KCTD1: variants seen among roughly 807,000 people sequenced by gnomAD.
The protein encoded by KCTD1 is BTB/POZ domain-containing protein KCTD1.
In KCTD1, 24 loss-of-function variants were observed where a neutral mutation model predicts 66.0. That is an observed-to-expected ratio of 0.36 (90% CI 0.26 to 0.51). The LOEUF (loss-of-function observed/expected upper bound fraction) is 0.51. KCTD1 is among the 20% of genes least tolerant of loss of function. The pLI, the probability that KCTD1 is intolerant of heterozygous loss-of-function variation, is 0.95. For synonymous variants in KCTD1, 511 were observed against 517.2 expected (o/e 0.99, Z 0.16); for missense variants, 943 against 1,205.2 (o/e 0.78, Z 3.22).
At chr18:26,654,877 C>T (rs1988100588) in intron 1 of KCTD1, among the ~76,000 whole-genome samples, 1 of 152,202 alleles carries the variant, frequency 6.6e-6, no homozygotes. Context: ...GCAGGACTCC[C>T]GAGTCAAACT....
At chr18:26,570,191 A>AAAAAAT (rs776923644) in intron 1 of KCTD1, among the ~76,000 whole-genome samples, 300 of 132,520 alleles carry the variant, frequency 2.3e-3, no homozygotes, top group Middle Eastern at 0.013. Flanking sequence ...ATCTAAAAAA[A>AAAAAAT]ATATATATAT....
intron 1 of KCTD1, among the ~76,000 whole-genome samples, chr18:26,656,057 G>A (rs1223457517): frequency 6.6e-6 from 1 of 151,936 alleles, no homozygotes; most frequent in Non-Finnish European, 1.5e-5. Context: ...GGCGGCAGTT[G>A]GGGGGGCGGA....
chr18:26,529,393 C>G (rs1234966146), intron 1 of KCTD1, among the ~76,000 whole-genome samples: 1 of 152,240 alleles, frequency 6.6e-6, no homozygotes, highest in East Asian at 1.9e-4. Context: ...CCTATCCTCT[C>G]TAGGCTACAA....
chr18:26,506,349 T>C (rs2144699058), intron 1 of KCTD1, among the ~76,000 whole-genome samples: 1 of 152,244 alleles, frequency 6.6e-6, no homozygotes, highest in East Asian at 1.9e-4. Flanking sequence ...CGGGCTACTA[T>C]GGCAGCTGAT....
Position 26,547,051 on chromosome 18 carries a change from G to T in KCTD1, c.1486C>A (p.Pro496Thr), listed in dbSNP as rs1397346434. Reference protein sequence around the residue: ...GAARHHSHHPPTHPSHHHRPQ... With the variant: ...GAARHHSHHPTTHPSHHHRPQ... ...CGGTGGTGGTGGGAGGGATGGGTGG[G>T]GGGGTGGTGGGAGTGGTGCCGTGCC... Residue 496 changes from proline (P) to threonine (T), a missense_variant, in exon 1 of 5, where the codon CCC becomes ACC. Coordinates refer to ENST00000580059, the MANE Select transcript of KCTD1 (RefSeq NM_001142730.3). The T allele has an allele frequency of 1.3e-6, 2 of 1,494,574 alleles. No homozygotes were observed. The highest frequency in any genetic ancestry group is 2.6e-5 in the South Asian group (2 of 77,266). The allele number at this position is 1,494,574 out of a possible 1,614,324, so 92.6% of individuals were successfully genotyped here.
intron 1 of KCTD1, among the ~76,000 whole-genome samples, chr18:26,657,190 C>T (rs1458986318): frequency 6.6e-6 from 1 of 151,478 alleles, no homozygotes; most frequent in African/African-American, 2.4e-5. Context: ...GCCCCTGCCC[C>T]GCCGCGGGTC....
At chr18:26,522,557 T>G (rs534079341) in intron 1 of KCTD1, among the ~76,000 whole-genome samples, 65 of 152,302 alleles carry the variant, frequency 4.3e-4, no homozygotes, top group Middle Eastern at 3.4e-3. Context: ...GAAAATAATA[T>G]AATCTGGTAC....
At chr18:26,589,290 G>A (rs537134115) in intron 1 of KCTD1, among the ~76,000 whole-genome samples, 1 of 152,314 alleles carries the variant, frequency 6.6e-6, no homozygotes, top group East Asian at 1.9e-4. Context: ...TTTAGAAAGA[G>A]TGAAGAATGA....
chr18:26,601,989 C>T (rs1598961733), intron 1 of KCTD1, among the ~76,000 whole-genome samples: 1 of 151,896 alleles, frequency 6.6e-6, no homozygotes, highest in South Asian at 2.1e-4. Flanking sequence ...AATTTCTTGC[C>T]TAATTGCCCT....
At chr18:26,630,447 C>T (rs932246942), upstream of KCTD1, among the ~76,000 whole-genome samples, 1 of 152,112 alleles carries the variant, frequency 6.6e-6, no homozygotes, top group Non-Finnish European at 1.5e-5. Flanking sequence ...TTCTGAGTAG[C>T]TAGGACTATA....
At chr18:26,599,998 A>G in intron 1 of KCTD1, 3 of 1,610,938 alleles carry the variant, frequency 1.9e-6, no homozygotes, top group Admixed American at 1.7e-5. Flanking sequence ...CAAGCTGTGG[A>G]CCCTCTCAGC....
intron 2 of KCTD1, among the ~76,000 whole-genome samples, chr18:26,491,643 G>C (rs549676525): frequency 6.6e-6 from 1 of 152,210 alleles, no homozygotes; most frequent in African/African-American, 2.4e-5. Flanking sequence ...TATGACACTA[G>C]GGTAGCAAGA....
chr18:26,598,770 G>A (rs902120198), intron 1 of KCTD1, among the ~76,000 whole-genome samples: 6 of 151,970 alleles, frequency 3.9e-5, no homozygotes, highest in East Asian at 1.9e-4. Flanking sequence ...CTTTTTATGC[G>A]CTTATTGGCC....
chr18:26,575,632 C>A (rs1290025370), intron 1 of KCTD1: 1 of 152,206 alleles, frequency 6.6e-6, no homozygotes, highest in Non-Finnish European at 1.5e-5. Flanking sequence ...AAAGGGAAAG[C>A]CTTTATTTGC....
At chr18:26,459,431 C>T (rs1980282526) in intron 4 of KCTD1, 189 bp downstream of exon 4, 1 of 598,942 alleles carries the variant, frequency 1.7e-6, no homozygotes, top group Non-Finnish European at 2.9e-6. Flanking sequence ...CAGTGCTCAT[C>T]CCAGCACCTG....
intron 1 of KCTD1, among the ~76,000 whole-genome samples, chr18:26,557,873 C>T (rs1455037217): frequency 6.6e-6 from 1 of 152,182 alleles, no homozygotes; most frequent in Non-Finnish European, 1.5e-5. Context: ...TCTCCAATAC[C>T]ACTTTAATAC....
rs770588316 is a variant in KCTD1 at position 26,506,375 on chromosome 18, C to G, written c.1810-5125G>C. Among the ~76,000 whole-genome samples, 4 of 152,098 alleles carry G rather than the reference C, an allele frequency of 2.6e-5. No individual in the cohort carries two copies. The East Asian group carries it at 7.7e-4, about 29-fold the overall frequency. On this transcript the variant is annotated intron_variant, in intron 1 of 4. Transcript: ENST00000580059. ...GGCAGCTGATGGAGAGGACATTTAACCCAGGGTTGGGGGCTGGGAAGGATG... is the reference window on the plus strand; with the variant it reads ...GGCAGCTGATGGAGAGGACATTTAAGCCAGGGTTGGGGGCTGGGAAGGATG...
chr18:26,628,609 G>T (rs1324592915), intron 1 of KCTD1, among the ~76,000 whole-genome samples: 2 of 152,040 alleles, frequency 1.3e-5, no homozygotes, highest in Non-Finnish European at 2.9e-5. Context: ...TTCTTAAGTG[G>T]TGAAATCCCC....
intron 1 of KCTD1, among the ~76,000 whole-genome samples, chr18:26,531,917 AAC>A (rs1210120985): frequency 1.2e-4 from 18 of 152,368 alleles, no homozygotes; most frequent in South Asian, 1.0e-3. Flanking sequence ...TGCCTTTGTT[AAC>A]AGTTTCTTTT....
Sources: allele counts gnomAD v4.1 joint callset (sites outside exome capture counted in the v4.1 genomes callset), GRCh38; gene constraint gnomAD v4.1.1; transcripts MANE v1.5; gene names NCBI Gene and HGNC (gene_info 2026-07-23, HGNC 2026-07-21).